The following EEFSEC variants were observed in gnomAD, a reference collection of about 807,000 sequenced individuals.
EEFSEC encodes eukaryotic elongation factor, selenocysteine-tRNA specific, also known as selenocysteine-specific elongation factor.
A neutral mutation model predicts 42.1 loss-of-function variants in EEFSEC; 43 were observed. The ratio of observed to expected loss-of-function variants is 1.02; its 90% CI spans 0.80 to 1.32. EEFSEC has a LOEUF of 1.32. EEFSEC is among the 40% of genes most tolerant of loss of function. EEFSEC has a pLI of 0.00. For synonymous variants in EEFSEC, 354 were observed against 339.1 expected (o/e 1.04, Z -0.48); for missense variants, 745 against 803.6 (o/e 0.93, Z 0.88).
Position 128,348,299 on chromosome 3 carries a change from T to A in EEFSEC, c.1443+6410T>A, listed in dbSNP as rs182135628. Among the ~76,000 whole-genome samples the A allele has an allele frequency of 3.1e-4, 47 of 152,090 alleles. No individual in the cohort carries two copies. In the East Asian group the frequency reaches 8.9e-3, roughly 29 times the overall value. Reference sequence around the variant, plus strand: ...GTGCGTGTGTGTGTGTGTGCGTGTGTGTGTGTGTGTTCATTCTTTCACATA... The same window carrying A: ...GTGCGTGTGTGTGTGTGTGCGTGTGAGTGTGTGTGTTCATTCTTTCACATA... On this transcript the variant is annotated intron_variant, in intron 5 of 6. Coordinates refer to ENST00000254730, the MANE Select transcript of EEFSEC (RefSeq NM_021937.5).
At chr3:128,246,230 G>GCACA (rs10546350) in intron 1 of EEFSEC, among the ~76,000 whole-genome samples, 3 of 149,714 alleles carry the variant, frequency 2.0e-5, no homozygotes, top group Admixed American at 6.6e-5. Context: ...AAGCGTGCAC[G>GCACA]CACACACACA....
chr3:128,358,251 T>C lies in EEFSEC; in HGVS notation c.1478T>C (p.Leu493Pro). The change falls in exon 6 of 7, where the codon CTG (leucine) becomes CCG (proline). Residue 493 changes from leucine to proline, a missense_variant. Leu to Pro is a moderately conservative substitution (Grantham distance 98). Transcript: ENST00000254730. ...MDDYSVIGRS[L>P]FKKETNIQLF... ...GACTACAGTGTGATCGGCCGCTCCC[T>C]GTTCAAAAAGGAAACCAACATCCAG... 1 of 1,614,158 alleles carries C rather than the reference T, an allele frequency of 6.2e-7. No homozygotes were observed. Among genetic ancestry groups the C allele is most frequent in the Non-Finnish European group, 8.5e-7 (1 of 1,180,016 alleles).
intron 1 of EEFSEC, among the ~76,000 whole-genome samples, chr3:128,205,330 C>T (rs1262786339): frequency 6.6e-6 from 1 of 152,100 alleles, no homozygotes; most frequent in Admixed American, 6.5e-5. Context: ...AACACAGAAG[C>T]CCCCTTTTCA....
In EEFSEC at chr3:128,373,517, G is replaced by C. The variant is rs2977566; in HGVS notation, c.1600+15144G>C. On this transcript the variant is annotated intron_variant, in intron 6 of 6. Coordinates refer to ENST00000254730, the MANE Select transcript of EEFSEC (RefSeq NM_021937.5). ...TAGCCCTGGGCCAGAGTGTTTCACT[G>C]CTGCCGGGTAGTTAGCCAGGGACCT... is the stretch of plus-strand genomic sequence containing the variant. 5.9e-5 allele frequency among the ~76,000 whole-genome samples: 9 copies of C among 152,328 alleles called. No homozygotes were observed. The East Asian group carries it at 1.7e-3, about 29-fold the overall frequency.
chr3:128,383,187 C>T (rs147610276), intron 6 of EEFSEC, among the ~76,000 whole-genome samples: 5 of 152,350 alleles, frequency 3.3e-5, no homozygotes, highest in Non-Finnish European at 5.9e-5. Flanking sequence ...GCCTTCCTAG[C>T]ATCTAGCACT....
the EEFSEC span, among the ~76,000 whole-genome samples, chr3:128,420,659 C>T: frequency 1.3e-5 from 2 of 152,214 alleles, no homozygotes; most frequent in Non-Finnish European, 2.9e-5. Context: ...CCCCAGTTCC[C>T]GAAGCAGAGT....
chr3:128,398,776 A>G (rs2068013329), intron 6 of EEFSEC, among the ~76,000 whole-genome samples: 1 of 152,146 alleles, frequency 6.6e-6, no homozygotes, highest in Admixed American at 6.5e-5. Context: ...CACAGCAAGG[A>G]AGGTAACCTT....
At chr3:128,232,328 G>A (rs564480984) in intron 1 of EEFSEC, among the ~76,000 whole-genome samples, 15 of 152,060 alleles carry the variant, frequency 9.9e-5, no homozygotes, top group African/African-American at 2.4e-4. Flanking sequence ...GAAGGAAAAC[G>A]AGGGGAAAAA....
intron 6 of EEFSEC, among the ~76,000 whole-genome samples, chr3:128,377,528 C>A (rs2067723865): frequency 6.6e-6 from 1 of 152,250 alleles, no homozygotes; most frequent in African/African-American, 2.4e-5. Flanking sequence ...TCAGCAATAG[C>A]AAGAGCTGTG....
rs76670407 is a variant in EEFSEC, at chr3:128,238,264, G to C, written c.317-8572G>C. Among the ~76,000 whole-genome samples the C allele has an allele frequency of 5.8e-4, 89 of 152,280 alleles. No individual in the cohort carries two copies. In the East Asian group the frequency reaches 0.016, roughly 27 times the overall value. ...TTGGGAATGCATGCCTGTTCTCCAG[G>C]AGACAGCTGCTCCTCAGCCACATCA... On this transcript the variant is annotated intron_variant, in intron 1 of 6. Coordinates refer to ENST00000254730, the MANE Select transcript of EEFSEC (RefSeq NM_021937.5).
intron 4 of EEFSEC, among the ~76,000 whole-genome samples, chr3:128,337,257 T>C (rs550611326): frequency 6.6e-6 from 1 of 152,330 alleles, no homozygotes; most frequent in East Asian, 1.9e-4. Flanking sequence ...TGTCCCCATC[T>C]TTATCTGCTG....
intron 1 of EEFSEC, among the ~76,000 whole-genome samples, chr3:128,174,515 C>T (rs2065329128): frequency 6.6e-6 from 1 of 152,152 alleles, no homozygotes; most frequent in African/African-American, 2.4e-5. Context: ...TTCAGACTGC[C>T]TCAAAGAACT....
intron 1 of EEFSEC, among the ~76,000 whole-genome samples, chr3:128,212,313 T>A (rs1576549055): frequency 6.6e-6 from 1 of 152,126 alleles, no homozygotes. Context: ...TCATCAGAGG[T>A]GTTCCTGCCA....
rs533454639 is a variant in EEFSEC, at chr3:128,255,357, G to T, written c.525-6771G>T. On this transcript the variant is annotated intron_variant, in intron 2 of 6. Coordinates refer to ENST00000254730, the MANE Select transcript of EEFSEC (RefSeq NM_021937.5). ...CCACTGCTGGACAGTCACCTGGTCA[G>T]ATGCCACAGAGGAAAGCGATTGCAA... Among the ~76,000 whole-genome samples, 33 of 152,338 alleles carry T rather than the reference G, an allele frequency of 2.2e-4. 1 individual carries two copies. The highest frequency in any genetic ancestry group is 7.7e-4 in the African/African-American group (32 of 41,568).
chr3:128,322,848 C>T (rs1410761185), intron 4 of EEFSEC, among the ~76,000 whole-genome samples: 1 of 152,160 alleles, frequency 6.6e-6, no homozygotes, highest in Non-Finnish European at 1.5e-5. Context: ...CCACCTTTGC[C>T]CCTGCTGGTC....
intron 1 of EEFSEC, among the ~76,000 whole-genome samples, chr3:128,221,162 G>A (rs1576555821): frequency 6.6e-6 from 1 of 152,200 alleles, no homozygotes; most frequent in East Asian, 1.9e-4. Flanking sequence ...GCTGCTGGAA[G>A]CCTTGTGTCC....
At chr3:128,308,630 A>G (rs752481525) in intron 4 of EEFSEC, among the ~76,000 whole-genome samples, 4 of 152,226 alleles carry the variant, frequency 2.6e-5, no homozygotes, top group Non-Finnish European at 4.4e-5. Flanking sequence ...TGAATATCAA[A>G]TTTTATGAAG....
chr3:128,421,080 G>T, the EEFSEC span, among the ~76,000 whole-genome samples: 1 of 152,118 alleles, frequency 6.6e-6, no homozygotes, highest in African/African-American at 2.4e-5. Context: ...AGCGTGGCAG[G>T]CTTTGTCCTG....
At chr3:128,365,705 C>T (rs898647480) in intron 6 of EEFSEC, among the ~76,000 whole-genome samples, 1 of 152,080 alleles carries the variant, frequency 6.6e-6, no homozygotes, top group African/African-American at 2.4e-5. Context: ...GTAGGAGCCC[C>T]GGTGCTGCAT....
Sources: gnomAD v4.1 joint callset for allele counts (sites outside exome capture counted in the v4.1 genomes callset) on GRCh38, gnomAD v4.1.1 for gene constraint, MANE v1.5 for transcripts, NCBI Gene and HGNC (gene_info 2026-07-23, HGNC 2026-07-21) for gene names.